CPEB4: variants seen among roughly 807,000 people sequenced by gnomAD.
The protein encoded by CPEB4 is cytoplasmic polyadenylation element-binding protein 4.
A neutral mutation model predicts 72.5 loss-of-function variants in CPEB4; 12 were observed. That is an observed-to-expected ratio of 0.17 (90% CI 0.11 to 0.27). The LOEUF is 0.27. Among genes scored for constraint, CPEB4 ranks in the 10% least tolerant of loss-of-function variants. The pLI, the probability that CPEB4 is intolerant of heterozygous loss-of-function variation, is 1.00. For missense variants in CPEB4, 614 were observed against 908.5 expected (o/e 0.68, Z 4.17); for synonymous variants, 302 against 326.3 (o/e 0.93, Z 0.80).
At position 173,956,069 on chromosome 5, in the gene CPEB4, G is replaced by A; in HGVS notation, c.2122G>A (p.Glu708Lys). 1 of 1,614,136 alleles carries A rather than the reference G, an allele frequency of 6.2e-7. No homozygotes were observed. Among genetic ancestry groups the A allele is most frequent in the South Asian group, 1.1e-5 (1 of 91,080 alleles). Residue 708 changes from glutamate (E) to lysine (K), a missense_variant, in exon 10 of 10, where the codon GAA (glutamate) becomes AAA (lysine). This residue lies in a region of CPEB4 where 101 missense variants were observed against 243.1 expected (regional missense o/e 0.42). Coordinates refer to ENST00000265085, the MANE Select transcript of CPEB4 (RefSeq NM_030627.4). ...WAAIHSRAGR[E>K]FHKPLVKEGG... Reference sequence around the variant, plus strand: ...TGCTATCCATTCTCGTGCTGGCAGGGAATTCCACAAGCCCCTGGTGAAGGA... The same window carrying A: ...TGCTATCCATTCTCGTGCTGGCAGGAAATTCCACAAGCCCCTGGTGAAGGA...
chr5:173,957,372 T>G lies in CPEB4; in HGVS notation c.*1235T>G, dbSNP rs1758411849. ...GTTTTGCACTGTTGAACTAAGTAACTGTGTAAATCTGTGCAAAGGTACGTA... is the reference window on the plus strand; with the variant it reads ...GTTTTGCACTGTTGAACTAAGTAACGGTGTAAATCTGTGCAAAGGTACGTA... On this transcript the variant is annotated 3_prime_UTR_variant, in exon 10 of 10. Transcript: ENST00000265085. 1 of 152,794 alleles carries G rather than the reference T, an allele frequency of 6.5e-6. No individual in the cohort carries two copies. The highest frequency in any genetic ancestry group is 2.1e-4 in the South Asian group (1 of 4,832). The allele number at this position is 152,794 out of a possible 1,614,324, so 9.5% of individuals were successfully genotyped here.
rs1351771678 is a variant in CPEB4 at position 173,932,499 on chromosome 5, T to C, written c.1257T>C (p.Asn419=). Residue 419 remains asparagine (N), a splice_region_variant and synonymous_variant, in exon 3 of 10, where the codon AAT becomes AAC. Coordinates refer to ENST00000265085, the MANE Select transcript of CPEB4 (RefSeq NM_030627.4). The stretch of plus-strand genomic sequence containing the variant: ...GATCCGATAGCTCTCTGCTTATTAA[T>C]GGTAAGTGATAATTGATTTACCCTA... ...YPGSDSSLLI[N]ARTYGRRRGQ... is the part of the protein sequence containing the mutation. 1 of 1,610,776 alleles carries C rather than the reference T, an allele frequency of 6.2e-7. No individual in the cohort carries two copies.
At chr5:173,896,307 A>G (rs1043236301) in intron 1 of CPEB4, among the ~76,000 whole-genome samples, 6 of 152,208 alleles carry the variant, frequency 3.9e-5, no homozygotes, top group Admixed American at 6.5e-5. Context: ...TTAATTGTTC[A>G]AAGTTGCCTT....
At chr5:173,906,377 A>C (rs1306149750) in intron 1 of CPEB4, among the ~76,000 whole-genome samples, 3 of 152,246 alleles carry the variant, frequency 2.0e-5, no homozygotes, top group Non-Finnish European at 2.9e-5. Context: ...GTAAATCAAG[A>C]ATGGCAATCT....
At chr5:173,910,407 A>G (rs777092879) in intron 1 of CPEB4, 116 bp from the exon 2 acceptor site, 50 of 712,954 alleles carry the variant, frequency 7.0e-5, no homozygotes, top group Admixed American at 1.6e-4. Context: ...AATGTGCCTT[A>G]CATAGAGAGT....
At chr5:173,939,806 T>C (rs1757767600) in intron 3 of CPEB4, among the ~76,000 whole-genome samples, 1 of 151,704 alleles carries the variant, frequency 6.6e-6, no homozygotes, top group South Asian at 2.1e-4. Context: ...ATTAAATTAT[T>C]GAGGACTTTA....
chr5:173,948,323 T>C (rs78947616), intron 5 of CPEB4, among the ~76,000 whole-genome samples: 16 of 152,264 alleles, frequency 1.1e-4, no homozygotes, highest in African/African-American at 3.4e-4. Flanking sequence ...AGAACGCTAA[T>C]TGAATACAAA....
At chr5:173,939,944 T>A (rs1476910595) in intron 3 of CPEB4, among the ~76,000 whole-genome samples, 1 of 141,586 alleles carries the variant, frequency 7.1e-6, no homozygotes, top group Admixed American at 7.1e-5. Flanking sequence ...AAACCATGTC[T>A]CTAATAAAAT....
intron 3 of CPEB4, among the ~76,000 whole-genome samples, chr5:173,933,397 A>C (rs900110273): frequency 1.7e-4 from 26 of 152,206 alleles, no homozygotes; most frequent in African/African-American, 5.8e-4. Flanking sequence ...CTCCTTTTGA[A>C]ATCAATATGT....
Position 173,945,024 on chromosome 5 carries a change from A to G in CPEB4, c.1340A>G (p.Gln447Arg). Reference sequence around the variant, plus strand: ...TTCTTGGATGATGGCCGTGGGGATCAGCCTCTTCATAGTGGCCTGGGTTCA... The same window carrying G: ...TTCTTGGATGATGGCCGTGGGGATCGGCCTCTTCATAGTGGCCTGGGTTCA... ...DGFLDDGRGD[Q>R]PLHSGLGSPH... Residue 447 changes from glutamine (Q) to arginine (R), a missense_variant, in exon 5 of 10, where the codon CAG becomes CGG. Gln to Arg is a conservative substitution (Grantham distance 43, BLOSUM62 1). Transcript: ENST00000265085. The G allele has an allele frequency of 6.2e-7, 1 of 1,613,996 alleles. No homozygotes were observed. Among genetic ancestry groups the G allele is most frequent in the Non-Finnish European group, 8.5e-7 (1 of 1,179,916 alleles).
At position 173,889,421 on chromosome 5, in the gene CPEB4, AAAAG is replaced by A. The variant is rs1170011403; in HGVS notation, c.-308_-305del. On this transcript the variant is annotated 5_prime_UTR_variant, in exon 1 of 10. An upstream open reading frame in the 5' UTR loses its in-frame stop. Coordinates refer to ENST00000265085, the MANE Select transcript of CPEB4 (RefSeq NM_030627.4). ...TCATTCATGTACATTTTCCTTTGGA[AAAAG>A]AAAGCGCCTATTTTACTAACCAAAG... 1.8e-5 allele frequency: 4 copies of A among 224,704 alleles called. No individual in the cohort carries two copies. Among genetic ancestry groups the A allele is most frequent in the African/African-American group, 9.2e-5 (4 of 43,646 alleles). 13.9% of individuals were successfully genotyped at this position (224,704 alleles called of 1,614,324 possible).
chr5:173,904,796 A>G (rs1474864930), intron 1 of CPEB4, among the ~76,000 whole-genome samples: 1 of 151,878 alleles, frequency 6.6e-6, no homozygotes, highest in East Asian at 1.9e-4. Flanking sequence ...CTTTAGTCTC[A>G]GTTTTTATTA....
chr5:173,960,950 T>G lies in CPEB4; in HGVS notation c.*4813T>G, dbSNP rs552708640. On this transcript the variant is annotated 3_prime_UTR_variant, in exon 10 of 10. Coordinates refer to ENST00000265085, the MANE Select transcript of CPEB4 (RefSeq NM_030627.4). ...ATTTTAAACTGCATTCTCAAACTTTTAACATAAGGATTTATTATAACAAAA... is the reference window on the plus strand; with the variant it reads ...ATTTTAAACTGCATTCTCAAACTTTGAACATAAGGATTTATTATAACAAAA... 6.6e-6 allele frequency: 1 copy of G among 152,370 alleles called. No individual in the cohort carries two copies. The highest frequency in any genetic ancestry group is 1.9e-4 in the East Asian group (1 of 5,194). 9.4% of individuals were successfully genotyped at this position (152,370 alleles called of 1,614,324 possible).
chr5:173,951,771 C>T (rs1449351997), intron 7 of CPEB4, 53 bp from the exon 8 acceptor site: 10 of 985,414 alleles, frequency 1.0e-5, no homozygotes, highest in African/African-American at 9.6e-5. Flanking sequence ...AACTTTTTTG[C>T]CCATGAATTG....
chr5:173,925,014 A>G (rs1295215661), intron 2 of CPEB4, among the ~76,000 whole-genome samples: 1 of 152,172 alleles, frequency 6.6e-6, no homozygotes, highest in African/African-American at 2.4e-5. Context: ...GGCTTCTCAT[A>G]AGATGTGAGG....
At chr5:173,939,318 A>C (rs929788284) in intron 3 of CPEB4, among the ~76,000 whole-genome samples, 1 of 149,548 alleles carries the variant, frequency 6.7e-6, no homozygotes, top group African/African-American at 2.5e-5. Context: ...TGCTCAGTTA[A>C]TAGGGTTGCT....
chr5:173,947,624 A>C (rs1385118190), intron 5 of CPEB4, among the ~76,000 whole-genome samples: 2 of 152,018 alleles, frequency 1.3e-5, no homozygotes, highest in Non-Finnish European at 2.9e-5. Flanking sequence ...AACCCATGAA[A>C]TGTTGGAGTC....
intron 2 of CPEB4, among the ~76,000 whole-genome samples, chr5:173,912,153 T>C (rs1756687634): frequency 6.6e-6 from 1 of 152,170 alleles, no homozygotes; most frequent in Non-Finnish European, 1.5e-5. Context: ...GCTATATAGC[T>C]GTGGAAAGAT....
chr5:173,895,932 C>T (rs1755991107), intron 1 of CPEB4, among the ~76,000 whole-genome samples: 1 of 152,124 alleles, frequency 6.6e-6, no homozygotes, highest in Non-Finnish European at 1.5e-5. Context: ...TTATCGCAAG[C>T]CTAATAAATG....
Sources: allele counts gnomAD v4.1 joint callset (sites outside exome capture counted in the v4.1 genomes callset), GRCh38; gene constraint gnomAD v4.1.1; regional missense constraint gnomAD v4.1.1; transcripts MANE v1.5; gene names NCBI Gene and HGNC (gene_info 2026-07-23, HGNC 2026-07-21).